FMN1: variants seen among roughly 807,000 people sequenced by gnomAD.
FMN1 encodes formin 1.
Under a neutral mutation model 132.4 loss-of-function variants are expected in FMN1, and 110 were observed. The ratio of observed to expected loss-of-function variants is 0.83; its 90% CI spans 0.71 to 0.97. The LOEUF (loss-of-function observed/expected upper bound fraction) is 0.97. FMN1 is among the 50% of genes least tolerant of loss of function. The pLI is 0.00. For missense variants in FMN1, 1,792 were observed against 1,705.3 expected (o/e 1.05, Z -0.90); for synonymous variants, 722 against 651.7 (o/e 1.11, Z -1.64).
chr15:33,038,735 A>G (rs947286405), intron 6 of FMN1, among the ~76,000 whole-genome samples: 4 of 152,214 alleles, frequency 2.6e-5, no homozygotes. Context: ...TTTACACTTG[A>G]GCAAAGTATC....
chr15:33,088,665 C>T (rs144900607), intron 5 of FMN1, 134 bp downstream of exon 5: 1 of 770,290 alleles, frequency 1.3e-6, no homozygotes. Flanking sequence ...TTTTCTGCAG[C>T]CCACTGATTT....
At chr15:33,002,820 C>T (rs1452270601) in intron 7 of FMN1, among the ~76,000 whole-genome samples, 2 of 152,158 alleles carry the variant, frequency 1.3e-5, no homozygotes, top group East Asian at 3.8e-4. Context: ...TTCTTTGGGT[C>T]AGATTAGAGA....
chr15:32,954,825 G>A (rs28475311), intron 9 of FMN1, among the ~76,000 whole-genome samples: 3,296 of 152,278 alleles, frequency 0.022, 54 homozygotes, highest in Non-Finnish European at 0.03. Flanking sequence ...GGCCAACATG[G>A]TGAAACCCCA....
At chr15:33,161,988 G>C (rs1482360797) in intron 3 of FMN1, among the ~76,000 whole-genome samples, 1 of 151,026 alleles carries the variant, frequency 6.6e-6, no homozygotes, top group Non-Finnish European at 1.5e-5. Flanking sequence ...TTTCCATGGA[G>C]TTTTTCTTCT....
intron 17 of FMN1, among the ~76,000 whole-genome samples, chr15:32,835,029 A>T (rs1316952404): frequency 6.6e-6 from 1 of 152,104 alleles, no homozygotes; most frequent in South Asian, 2.1e-4. Context: ...CCTTTGTTAG[A>T]GTTTGTGAAT....
rs1966212544 is a variant in FMN1 at position 33,194,679 on chromosome 15, G to T, written c.-450C>A. On this transcript the variant is annotated 5_prime_UTR_variant, in exon 1 of 21. Transcript: ENST00000616417. Reference sequence around the variant, plus strand: ...AGCCGTGGCGGCTGCAGCCTCGAAGGATGCTGCGCTCCAGTCCAGAGCCAA... The same window carrying T: ...AGCCGTGGCGGCTGCAGCCTCGAAGTATGCTGCGCTCCAGTCCAGAGCCAA... The T allele has an allele frequency of 6.6e-6, 1 of 152,260 alleles. No individual in the cohort carries two copies. The highest frequency in any genetic ancestry group is 1.5e-5 in the Non-Finnish European group (1 of 68,092). 9.4% of individuals were successfully genotyped at this position (152,260 alleles called of 1,614,324 possible).
chr15:32,914,579 G>T (rs8040785), intron 10 of FMN1, among the ~76,000 whole-genome samples: 419 of 152,298 alleles, frequency 2.8e-3, no homozygotes, highest in African/African-American at 9.0e-3. Context: ...AGTTATGAAT[G>T]GAGGAGTAAA....
At chr15:33,155,728 A>C (rs1302328923) in intron 3 of FMN1, among the ~76,000 whole-genome samples, 5 of 152,130 alleles carry the variant, frequency 3.3e-5, no homozygotes, top group African/African-American at 4.8e-5. Flanking sequence ...TTCGAAGCCA[A>C]ATGGAATGAC....
intron 16 of FMN1, among the ~76,000 whole-genome samples, chr15:32,877,431 A>C (rs2059664247): frequency 6.6e-6 from 1 of 152,206 alleles, no homozygotes; most frequent in African/African-American, 2.4e-5. Flanking sequence ...TTTTAAAAAA[A>C]AGTCTTGCAA....
At chr15:32,788,256 A>G (rs1459056590) in intron 19 of FMN1, among the ~76,000 whole-genome samples, 1 of 152,270 alleles carries the variant, frequency 6.6e-6, no homozygotes, top group Non-Finnish European at 1.5e-5. Context: ...TTAGGTGCAG[A>G]GTGAAAGGTA....
chr15:32,772,616 C>G lies in FMN1; in HGVS notation c.*1694G>C, dbSNP rs2056286066. On this transcript the variant is annotated 3_prime_UTR_variant, in exon 21 of 21. Coordinates refer to ENST00000616417, the MANE Select transcript of FMN1 (RefSeq NM_001277313.2). ...GCTTTTCTGTTTTGCTTGTCTCGTT[C>G]CTTCATTGTGAATTTTAAAAATCCA... 1 of 152,182 alleles carries G rather than the reference C, an allele frequency of 6.6e-6. No individual in the cohort carries two copies. The allele number at this position is 152,182 out of a possible 1,614,324, so 9.4% of individuals were successfully genotyped here.
intron 2 of FMN1, among the ~76,000 whole-genome samples, chr15:33,184,071 T>C (rs1965795620): frequency 6.6e-6 from 1 of 152,220 alleles, no homozygotes; most frequent in African/African-American, 2.4e-5. Context: ...TTCTTTTTAT[T>C]GCTTGAAATT....
intron 17 of FMN1, among the ~76,000 whole-genome samples, chr15:32,816,644 G>A (rs1300584882): frequency 9.2e-5 from 14 of 152,144 alleles, no homozygotes; most frequent in South Asian, 6.2e-4. Context: ...CCTGACTCCC[G>A]ACTAGTTTTC....
chr15:33,053,337 G>A (rs1489090273), intron 6 of FMN1, among the ~76,000 whole-genome samples: 1 of 152,228 alleles, frequency 6.6e-6, no homozygotes, highest in Non-Finnish European at 1.5e-5. Flanking sequence ...TCCCCTTGAG[G>A]TAACATGCCT....
chr15:32,976,225 T>C (rs2032190723), intron 7 of FMN1, among the ~76,000 whole-genome samples: 1 of 152,120 alleles, frequency 6.6e-6, no homozygotes, highest in Non-Finnish European at 1.5e-5. Context: ...AGGCAGTTCC[T>C]GGGGGCTGCA....
rs1301141993 is a variant in FMN1 at position 32,777,966 on chromosome 15, TTA to T, written c.4131-1049_4131-1048del. On this transcript the variant is annotated intron_variant, in intron 19 of 20. Coordinates refer to ENST00000616417, the MANE Select transcript of FMN1 (RefSeq NM_001277313.2). ...TTATGTATAATATATAATACATTTA[TTA>T]TATATTATGTATAATATATAATACA... Among the ~76,000 whole-genome samples, 4 of 1,172 alleles carry T rather than the reference TTA, an allele frequency of 3.4e-3. 1 individual carries two copies. Among genetic ancestry groups the T allele is most frequent in the African/African-American group, 3.6e-3 (4 of 1,110 alleles). The allele number at this position is 1,172 out of a possible 152,430, so 0.8% of individuals were successfully genotyped here. A position where few individuals can be genotyped will look rare whatever the true frequency, so the allele number is the denominator to read the frequency against.
At chr15:33,146,284 T>C (rs1964217598) in intron 4 of FMN1, among the ~76,000 whole-genome samples, 1 of 152,186 alleles carries the variant, frequency 6.6e-6, no homozygotes, top group African/African-American at 2.4e-5. Flanking sequence ...TCATTTCTTT[T>C]TGCCAAAGCT....
At chr15:33,127,415 A>G (rs559177856) in intron 4 of FMN1, among the ~76,000 whole-genome samples, 2 of 152,342 alleles carry the variant, frequency 1.3e-5, no homozygotes, top group East Asian at 3.9e-4. Context: ...GGACCAGAAC[A>G]ACTATTTCCT....
At chr15:33,068,969 C>A (rs1471478088) in intron 5 of FMN1, among the ~76,000 whole-genome samples, 2 of 152,220 alleles carry the variant, frequency 1.3e-5, no homozygotes, top group Non-Finnish European at 2.9e-5. Context: ...CGCCTCTCCC[C>A]CTTTGGTGTC....
Sources: allele counts gnomAD v4.1 joint callset (sites outside exome capture counted in the v4.1 genomes callset), GRCh38; gene constraint gnomAD v4.1.1; transcripts MANE v1.5; gene names NCBI Gene and HGNC (gene_info 2026-07-23, HGNC 2026-07-21).